Variants in COL6A3 observed in about 807,000 individuals in gnomAD.
COL6A3 encodes the protein collagen type VI alpha 3 chain.
In COL6A3, 137 loss-of-function variants were observed where a neutral mutation model predicts 274.1. That is an observed-to-expected ratio of 0.50 (90% CI 0.44 to 0.58). The LOEUF (loss-of-function observed/expected upper bound fraction) is 0.58. COL6A3 is among the 20% of genes least tolerant of loss of function. The probability of loss-of-function intolerance (pLI) is 0.00; values close to 1 mark genes in which losing one functional copy is unlikely to be tolerated. For missense variants in COL6A3, 3,950 were observed against 4,124.9 expected (o/e 0.96, Z 1.16); for synonymous variants, 1,650 against 1,650.6 (o/e 1.00, Z 0.01).
In COL6A3 at chr2:237,407,931, C is replaced by T. The variant is rs958759337; in HGVS notation, c.-31+6022G>A. On this transcript the variant is annotated intron_variant, in intron 1 of 43. Coordinates refer to ENST00000295550, the MANE Select transcript of COL6A3 (RefSeq NM_004369.4). The surrounding 1 kb of genome is among the most constrained non-coding windows in gnomAD (Gnocchi z 4.3). ...CCCACTCCATTCCAACTCCTTGCCA[C>T]GTGACGCTGCTGGATCCAAATTGGA... 3.3e-5 allele frequency among the ~76,000 whole-genome samples: 5 copies of T among 152,198 alleles called. No homozygotes were observed. Among genetic ancestry groups the T allele is most frequent in the South Asian group, 2.1e-4 (1 of 4,828 alleles).
In COL6A3 at chr2:237,379,363, C is replaced by T. The variant is rs6725072; in HGVS notation, c.1898-128G>A. ...AGAAAGTCAGCATGGCAAAGCATGTCCATCTTGTAAAATATGGCAGATGGC... is the reference window on the plus strand; with the variant it reads ...AGAAAGTCAGCATGGCAAAGCATGTTCATCTTGTAAAATATGGCAGATGGC... On this transcript the variant is annotated intron_variant, in intron 5 of 43. Transcript: ENST00000295550. 4.3e-4 allele frequency: 508 copies of T among 1,178,862 alleles called. 2 individuals carry two copies. The African/African-American group carries it at 7.0e-3, about 16-fold the overall frequency. 73.0% of individuals were successfully genotyped at this position (1,178,862 alleles called of 1,614,324 possible).
At chr2:237,332,459 T>A (rs1199873806) in intron 42 of COL6A3, among the ~76,000 whole-genome samples, 3 of 152,054 alleles carry the variant, frequency 2.0e-5, no homozygotes, top group Non-Finnish European at 2.9e-5. Flanking sequence ...TTGGGGAAAA[T>A]CTACTGTGTT....
intron 4 of COL6A3, among the ~76,000 whole-genome samples, chr2:237,383,076 A>C (rs1297977794): frequency 6.6e-6 from 1 of 152,150 alleles, no homozygotes; most frequent in Non-Finnish European, 1.5e-5. Context: ...TGGGATTACA[A>C]GGGTGAGCCA....
rs1205987217 is a variant in COL6A3 at position 237,359,098 on chromosome 2, A to G, written c.6355-10T>C. The G allele has an allele frequency of 7.4e-6, 12 of 1,613,946 alleles. No individual in the cohort carries two copies. The highest frequency in any genetic ancestry group is 1.6e-4 in the Middle Eastern group (1 of 6,082). On this transcript the variant is annotated splice_polypyrimidine_tract_variant and intron_variant, in intron 19 of 43. Coordinates refer to ENST00000295550, the MANE Select transcript of COL6A3 (RefSeq NM_004369.4). ...GCAATCCTTTGTCTCCCTGCCAAAG[A>G]CAAGGATTAAAGGTCACACCTGCTG... is the stretch of plus-strand genomic sequence containing the variant.
Position 237,367,026 on chromosome 2 carries a change from C to T in COL6A3, c.5161G>A (p.Val1721Met). The T allele has an allele frequency of 6.2e-7, 1 of 1,614,238 alleles. No homozygotes were observed. Among genetic ancestry groups the T allele is most frequent in the East Asian group, 2.2e-5 (1 of 44,880 alleles). Residue 1721 changes from valine (V) to methionine (M), a missense_variant, in exon 11 of 44, where the codon GTG (valine) becomes ATG (methionine). Coordinates refer to ENST00000295550, the MANE Select transcript of COL6A3 (RefSeq NM_004369.4). ...TTTACCCGCAGGTGCTCAAGGCCCACCTTAGTGTTGGCGTGTCTTCCCCCT... is the reference window on the plus strand; with the variant it reads ...TTTACCCGCAGGTGCTCAAGGCCCATCTTAGTGTTGGCGTGTCTTCCCCCT... ...YKGGRHANTKVGLEHLRVNHF... is the reference protein window; with the variant it reads ...YKGGRHANTKMGLEHLRVNHF...
intron 36 of COL6A3, chr2:237,343,698 G>T (rs1277650612): frequency 6.3e-6 from 1 of 157,628 alleles, no homozygotes; most frequent in Non-Finnish European, 1.4e-5. Context: ...TGGGGGTGCT[G>T]AGTCGGCATA....
intron 39 of COL6A3, among the ~76,000 whole-genome samples, chr2:237,337,745 T>G (rs1326795504): frequency 6.6e-6 from 1 of 152,178 alleles, no homozygotes; most frequent in East Asian, 1.9e-4. Context: ...TCACCCCAGC[T>G]AGCCCTCTGT....
At position 237,359,036 on chromosome 2, in the gene COL6A3, C is replaced by T; in HGVS notation, c.6407G>A (p.Arg2136Lys). 1 of 1,613,860 alleles carries T rather than the reference C, an allele frequency of 6.2e-7. No homozygotes were observed. Among genetic ancestry groups the T allele is most frequent in the South Asian group, 1.1e-5 (1 of 91,084 alleles). Residue 2136 changes from arginine to lysine, a missense_variant and splice_region_variant, in exon 20 of 44, where the codon AGG (arginine) becomes AAG (lysine). Around this residue, in one of 5 missense-constraint regions of COL6A3, gnomAD observed 1,284 missense variants for 1,349.7 expected, o/e 0.95. Coordinates refer to ENST00000295550, the MANE Select transcript of COL6A3 (RefSeq NM_004369.4). ...GCACCACCGTGGAAATACACCTACC[C>T]TTCTTCCAGGATTCCCTTTCTCTCC... Reference protein sequence around the residue: ...SSGEKGNPGRRGDKGPRGEKG... With the variant: ...SSGEKGNPGRKGDKGPRGEKG...
Position 237,371,318 on chromosome 2 carries a change from T to C in COL6A3, c.4285+414A>G, listed in dbSNP as rs1220120349. On this transcript the variant is annotated intron_variant, in intron 9 of 43. Transcript: ENST00000295550. The surrounding 1 kb of genome is among the most constrained non-coding windows in gnomAD (Gnocchi z 4.3). ...GTGGGCATGAAGAACATAAAGGTGCTGGGCGCGGTGTCTCAGGCCTGTAAT... is the reference window on the plus strand; with the variant it reads ...GTGGGCATGAAGAACATAAAGGTGCCGGGCGCGGTGTCTCAGGCCTGTAAT... Among the ~76,000 whole-genome samples the C allele has an allele frequency of 6.6e-6, 1 of 152,152 alleles. No individual in the cohort carries two copies. The highest frequency in any genetic ancestry group is 1.5e-5 in the Non-Finnish European group (1 of 68,016).
intron 14 of COL6A3, among the ~76,000 whole-genome samples, chr2:237,362,415 C>T (rs1162745829): frequency 1.3e-5 from 2 of 152,208 alleles, no homozygotes; most frequent in Non-Finnish European, 2.9e-5. Flanking sequence ...CCCATCTGGC[C>T]CCTGACCTTA....
chr2:237,330,712 C>T (rs912640478), intron 42 of COL6A3, among the ~76,000 whole-genome samples: 1 of 152,170 alleles, frequency 6.6e-6, no homozygotes. Context: ...AGACTGCCCT[C>T]GCATTACATG....
chr2:237,347,835 G>A lies in COL6A3; in HGVS notation c.7001C>T (p.Thr2334Ile), dbSNP rs763737851. The A allele has an allele frequency of 1.9e-6, 3 of 1,611,480 alleles. No individual in the cohort carries two copies. Among genetic ancestry groups the A allele is most frequent in the Non-Finnish European group, 2.5e-6 (3 of 1,178,832 alleles). ...TCGGCCTCTGATGCCTTTGGGTCCT[G>A]TTGTTCCATTTAGCCCAGGTTCACC... ...NPGEPGLNGT[T>I]GPKGIRGRRG... The change falls in exon 31 of 44, where the codon ACA becomes ATA. Residue 2334 changes from threonine to isoleucine, a missense_variant. By Grantham distance (89) the Thr-to-Ile change is moderately conservative. Around this residue, in one of 5 missense-constraint regions of COL6A3, gnomAD observed 1,284 missense variants for 1,349.7 expected, o/e 0.95. Transcript: ENST00000295550.
rs1413135569 is a variant in COL6A3 at position 237,342,163 on chromosome 2, T to A, written c.7669-2A>T. On this transcript the variant is annotated splice_acceptor_variant, in intron 36 of 43. Transcript: ENST00000295550. LOFTEE classifies it high-confidence loss of function. ...ATGCCCCACTGCTGTGTTATTGATC[T>A]GGTTTAAACAAAAGAACAATTTTGG... 1 of 1,613,964 alleles carries A rather than the reference T, an allele frequency of 6.2e-7. No individual in the cohort carries two copies. The highest frequency in any genetic ancestry group is 8.5e-7 in the Non-Finnish European group (1 of 1,179,888).
intron 43 of COL6A3, among the ~76,000 whole-genome samples, 183 bp from the exon 44 acceptor site, chr2:237,324,997 C>T (rs1313951743): frequency 6.6e-6 from 1 of 152,126 alleles, no homozygotes; most frequent in Non-Finnish European, 1.5e-5. Context: ...ACGTTCTTGG[C>T]CTGGGGCCCC....
In COL6A3 at chr2:237,342,128, G is replaced by A. The variant is rs201479636; in HGVS notation, c.7702C>T (p.Leu2568=). ...TCTGTGAGGTCTCTCCCTGCAGGCAGGACAAGCGCATGCCCCACTGCTGTG... is the reference window on the plus strand; with the variant it reads ...TCTGTGAGGTCTCTCCCTGCAGGCAAGACAAGCGCATGCCCCACTGCTGTG... ...NNTAVGHALV[L]PAGRDLTDFL... is the part of the protein sequence containing the mutation. The change falls in exon 37 of 44, where the codon CTG becomes TTG. Residue 2568 remains leucine (L), a synonymous_variant. Transcript: ENST00000295550. 82 of 1,614,222 alleles carry A rather than the reference G, an allele frequency of 5.1e-5. No individual in the cohort carries two copies. The East Asian group carries it at 1.7e-3, about 34-fold the overall frequency.
Position 237,378,699 on chromosome 2 carries a change from G to C in COL6A3, c.2434C>G (p.Leu812Val). 6.2e-7 allele frequency: 1 copy of C among 1,613,838 alleles called. No individual in the cohort carries two copies. The highest frequency in any genetic ancestry group is 8.5e-7 in the Non-Finnish European group (1 of 1,180,048). Reference sequence around the variant, plus strand: ...ACATATGTGGTTAGGGGCTGAATCAGCTGCTGAGGCAAAGCTGGCAGGGAG... The same window carrying C: ...ACATATGTGGTTAGGGGCTGAATCACCTGCTGAGGCAAAGCTGGCAGGGAG... Reference protein sequence around the residue: ...FSSLPALPQQLIQPLTTYVSG... With the variant: ...FSSLPALPQQVIQPLTTYVSG... The change falls in exon 6 of 44, where the codon CTG (leucine) becomes GTG (valine). Residue 812 changes from leucine (L) to valine (V), a missense_variant. Leu to Val is a conservative substitution (Grantham distance 32). Around this residue, in one of 5 missense-constraint regions of COL6A3, gnomAD observed 1,934 missense variants for 1,984.3 expected, o/e 0.97. Transcript: ENST00000295550.
At chr2:237,329,161 C>T (rs13018020) in intron 42 of COL6A3, 59,683 of 152,078 alleles carry the variant, frequency 0.39, 12,116 homozygotes, top group Middle Eastern at 0.49. Flanking sequence ...GTTCAAGTGA[C>T]TCTCCTGCCT....
intron 1 of COL6A3, among the ~76,000 whole-genome samples, chr2:237,403,434 C>G (rs1483038557): frequency 6.6e-6 from 1 of 152,250 alleles, no homozygotes; most frequent in Non-Finnish European, 1.5e-5. Context: ...AACTTGAAGC[C>G]ATGATCTCAG....
In COL6A3 at chr2:237,344,696, C is replaced by T. The variant is rs753090057; in HGVS notation, c.7322G>A (p.Arg2441Gln). 1.2e-5 allele frequency: 19 copies of T among 1,609,234 alleles called. No homozygotes were observed. In the Admixed American group the frequency reaches 2.2e-4, roughly 18 times the overall value. Residue 2441 changes from arginine to glutamine, a missense_variant, in exon 36 of 44, where the codon CGG becomes CAG. Transcript: ENST00000295550. The surrounding 1 kb of genome is among the most constrained non-coding windows in gnomAD (Gnocchi z 4.8). ...DLTIAESNCP[R>Q]GARVAVVTYN... ...GGTGACCACAGCCACCCGGGCCCCC[C>T]GTGGGCAGTTGCTCTCAGCAATGGT...
Sources: allele counts gnomAD v4.1 joint callset (sites outside exome capture counted in the v4.1 genomes callset), GRCh38; gene constraint gnomAD v4.1.1; regional missense constraint gnomAD v4.1.1; non-coding constraint Gnocchi (gnomAD v3.1); transcripts MANE v1.5; gene names NCBI Gene and HGNC (gene_info 2026-07-23, HGNC 2026-07-21).